CSTF2: variants seen among roughly 807,000 people sequenced by gnomAD.
The protein encoded by CSTF2 is cleavage stimulation factor subunit 2.
Under a neutral mutation model 45.4 loss-of-function variants are expected in CSTF2, and 8 were observed. The observed-to-expected ratio is 0.18, with a 90% confidence interval of 0.10 to 0.32. The LOEUF is 0.32. Ranked by LOEUF, CSTF2 falls within the 10% of genes least tolerant of loss-of-function variation. The pLI, the probability that CSTF2 is intolerant of heterozygous loss-of-function variation, is 1.00. For missense variants in CSTF2, 253 were observed against 477.1 expected (o/e 0.53, Z 4.38); for synonymous variants, 155 against 158.9 (o/e 0.98, Z 0.18).
chrX:100,837,836 G>A (rs2085017893), intron 12 of CSTF2, among the ~76,000 whole-genome samples: 1 of 111,133 alleles, frequency 9.0e-6, no homozygotes, highest in South Asian at 3.8e-4. Context: ...ACCATTGTGG[G>A]GAGCTTATGT....
chrX:100,832,963 T>A, intron 10 of CSTF2, 54 bp downstream of exon 10: 2 of 1,095,731 alleles, frequency 1.8e-6, no homozygotes, highest in Non-Finnish European at 2.4e-6. Flanking sequence ...TCTTAGGCTC[T>A]AATCTGGGAT....
At chrX:100,829,952 T>C (rs1033196435) in intron 8 of CSTF2, among the ~76,000 whole-genome samples, 1 of 112,397 alleles carries the variant, frequency 8.9e-6, no homozygotes, top group East Asian at 2.8e-4. Flanking sequence ...TTCCAGGATG[T>C]CTTCATGCAG....
chrX:100,837,172 C>A (rs1387786864), intron 11 of CSTF2, among the ~76,000 whole-genome samples, 167 bp from the exon 12 acceptor site: 2 of 112,353 alleles, frequency 1.8e-5, no homozygotes, highest in African/African-American at 6.5e-5. Context: ...TCTGGCTAAA[C>A]CCTGCCTTCT....
chrX:100,835,110 A>G (rs1226165127), intron 11 of CSTF2, among the ~76,000 whole-genome samples: 3 of 110,976 alleles, frequency 2.7e-5, no homozygotes, highest in Non-Finnish European at 5.7e-5. Flanking sequence ...ATATGTATTA[A>G]GAACTTCAAG....
chrX:100,832,695 T>C, intron 9 of CSTF2, 39 bp from the exon 10 acceptor site: 6 of 1,148,145 alleles, frequency 5.2e-6, no homozygotes, highest in Non-Finnish European at 5.8e-6. Flanking sequence ...GTTGTTGTTT[T>C]GTTCTATTTT....
chrX:100,834,918 C>T (rs2084998685), intron 11 of CSTF2, among the ~76,000 whole-genome samples: 2 of 111,913 alleles, frequency 1.8e-5, no homozygotes, highest in Admixed American at 9.5e-5. Flanking sequence ...GCTCCTTTCT[C>T]TCTGCTGGTA....
At position 100,823,951 on chromosome X, in the gene CSTF2, T is replaced by C. The variant is rs2084931539; in HGVS notation, c.510T>C (p.Tyr170=). 8.3e-7 allele frequency: 1 copy of C among 1,211,897 alleles called. No homozygotes were observed. Among genetic ancestry groups the C allele is most frequent in the East Asian group, 3.0e-5 (1 of 33,871 alleles). ...TACTTCAGAACCCTCAACTGGCTTA[T>C]GCTTTGCTGCAAGCACAGGTAGTGA... The part of the protein sequence containing the change: ...NMLLQNPQLA[Y]ALLQAQVVMR... Residue 170 remains tyrosine, a synonymous_variant, in exon 5 of 14, where the codon TAT becomes TAC. Transcript: ENST00000372972.
chrX:100,839,416 C>T (rs2085027998), intron 13 of CSTF2, among the ~76,000 whole-genome samples: 1 of 110,749 alleles, frequency 9.0e-6, no homozygotes, highest in African/African-American at 3.3e-5. Flanking sequence ...TTCATGTTGC[C>T]CCACTATCAG....
At chrX:100,828,458 A>C (rs2084956549) in intron 8 of CSTF2, among the ~76,000 whole-genome samples, 1 of 112,211 alleles carries the variant, frequency 8.9e-6, no homozygotes, top group South Asian at 3.7e-4. Context: ...TTCCTAGTCT[A>C]ATAATTCCAC....
rs2084986449 is a variant in CSTF2, at chrX:100,833,204, A to G, written c.1232A>G (p.Asp411Gly). 8.3e-7 allele frequency: 1 copy of G among 1,211,096 alleles called. No homozygotes were observed. The highest frequency in any genetic ancestry group is 1.1e-6 in the Non-Finnish European group (1 of 895,026). Reference sequence around the variant, plus strand: ...GGTGGAAGGGATCCCCGAGGAATAGATGCACGAGGGATGGAGGCCCGAGCC... The same window carrying G: ...GGTGGAAGGGATCCCCGAGGAATAGGTGCACGAGGGATGGAGGCCCGAGCC... Reference protein sequence around the residue: ...GRGGRDPRGIDARGMEARAME... With the variant: ...GRGGRDPRGIGARGMEARAME... Residue 411 changes from aspartate to glycine, a missense_variant, in exon 11 of 14, where the codon GAT (aspartate) becomes GGT (glycine). This residue lies in a region of CSTF2 where 200 missense variants were observed against 294.0 expected (regional missense o/e 0.68). Coordinates refer to ENST00000372972, the MANE Select transcript of CSTF2 (RefSeq NM_001325.3).
intron 11 of CSTF2, among the ~76,000 whole-genome samples, chrX:100,835,920 C>G (rs1569441230): frequency 9.0e-6 from 1 of 111,412 alleles, no homozygotes; most frequent in Non-Finnish European, 1.9e-5. Flanking sequence ...GCTATAAACT[C>G]ATGTGACCAA....
At chrX:100,824,565 A>G (rs1031010711) in intron 6 of CSTF2, among the ~76,000 whole-genome samples, 3 of 111,972 alleles carry the variant, frequency 2.7e-5, no homozygotes, top group African/African-American at 9.7e-5. Flanking sequence ...TTAATCCTCA[A>G]AGCAATTGTA....
chrX:100,830,682 G>T, intron 8 of CSTF2: 1 of 509,542 alleles, frequency 2.0e-6, no homozygotes, highest in Non-Finnish European at 3.2e-6. Context: ...GGAGCAAGCC[G>T]ATGAACTCTT....
At chrX:100,834,731 C>T (rs765055184) in intron 11 of CSTF2, among the ~76,000 whole-genome samples, 3 of 112,017 alleles carry the variant, frequency 2.7e-5, no homozygotes, top group Non-Finnish European at 5.6e-5. Context: ...GATCTAGGTA[C>T]GGGGGATACT....
chrX:100,827,645 C>G (rs770333280), intron 7 of CSTF2, among the ~76,000 whole-genome samples: 1 of 111,959 alleles, frequency 8.9e-6, no homozygotes, highest in Non-Finnish European at 1.9e-5. Flanking sequence ...TTTCTGCAAA[C>G]TCAGGAATTT....
chrX:100,827,851 A>G (rs998830063), intron 7 of CSTF2, among the ~76,000 whole-genome samples, 189 bp from the exon 8 acceptor site: 4 of 112,359 alleles, frequency 3.6e-5, no homozygotes, highest in African/African-American at 1.3e-4. Context: ...TGTCACTGAA[A>G]CATAAAGTAC....
At chrX:100,822,563 G>C in intron 3 of CSTF2, 143 bp downstream of exon 3, 1 of 542,757 alleles carries the variant, frequency 1.8e-6, no homozygotes, top group Non-Finnish European at 3.0e-6. Context: ...ATGTGCCTGA[G>C]TTAGGCAAGT....
chrX:100,820,853 C>G (rs1382767186), intron 1 of CSTF2, among the ~76,000 whole-genome samples: 1 of 111,981 alleles, frequency 8.9e-6, no homozygotes, highest in Non-Finnish European at 1.9e-5. Flanking sequence ...ACTTACTGTC[C>G]TCTCCTAAGG....
rs781541539 is a variant in CSTF2, at chrX:100,837,330, T to C, written c.1501-9T>C. On this transcript the variant is annotated splice_polypyrimidine_tract_variant and intron_variant, in intron 11 of 13. Transcript: ENST00000372972. ...GCCAAAAATCTCTCTTTTCTCTTTGTACACATAGGTCCCAGTCATGCAGGG... is the reference window on the plus strand; with the variant it reads ...GCCAAAAATCTCTCTTTTCTCTTTGCACACATAGGTCCCAGTCATGCAGGG... 1.7e-6 allele frequency: 2 copies of C among 1,177,709 alleles called. No homozygotes were observed. The highest frequency in any genetic ancestry group is 2.3e-6 in the Non-Finnish European group (2 of 871,597).
Sources: allele counts gnomAD v4.1 joint callset (sites outside exome capture counted in the v4.1 genomes callset), GRCh38; gene constraint gnomAD v4.1.1; regional missense constraint gnomAD v4.1.1; transcripts MANE v1.5; gene names NCBI Gene and HGNC (gene_info 2026-07-23, HGNC 2026-07-21).